KLRG1: variants seen among roughly 807,000 people sequenced by gnomAD.
KLRG1 encodes killer cell lectin like receptor G1.
Under a neutral mutation model 21.8 loss-of-function variants are expected in KLRG1, and 16 were observed. The observed-to-expected ratio is 0.73, with a 90% confidence interval of 0.50 to 1.11. The LOEUF (loss-of-function observed/expected upper bound fraction) is 1.11, where lower values mean the gene tolerates loss of function less well. Ranked by LOEUF, KLRG1 falls within the 50% of genes most tolerant of loss-of-function variation. The probability of loss-of-function intolerance (pLI) is 0.00; values close to 1 mark genes in which losing one functional copy is unlikely to be tolerated. For synonymous variants in KLRG1, 69 were observed against 75.9 expected (o/e 0.91, Z 0.47); for missense variants, 173 against 218.3 (o/e 0.79, Z 1.31).
the KLRG1 span, among the ~76,000 whole-genome samples, chr12:9,199,546 G>A: frequency 6.6e-6 from 1 of 152,054 alleles, no homozygotes; most frequent in South Asian, 2.1e-4. Context: ...AAATTGCCCA[G>A]AGGAAAGATT....
chr12:9,159,098 A>G, the KLRG1 span, among the ~76,000 whole-genome samples: 1 of 152,166 alleles, frequency 6.6e-6, no homozygotes, highest in Non-Finnish European at 1.5e-5. Flanking sequence ...CATCTAGTAG[A>G]AGGTAGTAAG....
At chr12:9,027,820 C>G in the KLRG1 span, 20 of 1,180,102 alleles carry the variant, frequency 1.7e-5, no homozygotes, top group East Asian at 4.7e-4. Flanking sequence ...GCCACCATGA[C>G]CATGAAGTTT....
the KLRG1 span, chr12:9,069,690 C>T: frequency 0.32 from 444,763 of 1,390,706 alleles, 75,549 homozygotes; most frequent in Admixed American, 0.36. Context: ...CCCAGATGTT[C>T]CCTTAGAGGA....
At chr12:9,176,775 A>C in the KLRG1 span, among the ~76,000 whole-genome samples, 1 of 152,264 alleles carries the variant, frequency 6.6e-6, no homozygotes, top group East Asian at 1.9e-4. Context: ...TTTGAACAGG[A>C]GTGTCAATAG....
At chr12:9,173,621 A>G in the KLRG1 span, among the ~76,000 whole-genome samples, 1 of 152,174 alleles carries the variant, frequency 6.6e-6, no homozygotes, top group Admixed American at 6.5e-5. Context: ...AATCAAGTAG[A>G]CACAATCAGA....
the KLRG1 span, chr12:9,113,523 G>A: frequency 6.2e-7 from 1 of 1,613,856 alleles, no homozygotes; most frequent in Non-Finnish European, 8.5e-7. Flanking sequence ...GAGCAGGGAG[G>A]GGACCAGAAC....
chr12:9,126,130 A>T, the KLRG1 span, among the ~76,000 whole-genome samples: 1 of 152,238 alleles, frequency 6.6e-6, no homozygotes, highest in African/African-American at 2.4e-5. Context: ...ATACAGGGTG[A>T]GCATATAACT....
chr12:9,160,041 T>A, the KLRG1 span: 1 of 1,603,420 alleles, frequency 6.2e-7, no homozygotes, highest in Non-Finnish European at 8.5e-7. Flanking sequence ...ATGGAAGGCT[T>A]CAGATTGTTC....
chr12:8,993,761 C>G (rs1259984948), intron 2 of KLRG1, among the ~76,000 whole-genome samples: 2 of 152,176 alleles, frequency 1.3e-5, no homozygotes, highest in African/African-American at 2.4e-5. Flanking sequence ...AGCTTGATCT[C>G]CAGAACTTAT....
the KLRG1 span, among the ~76,000 whole-genome samples, chr12:9,179,989 T>G: frequency 6.6e-6 from 1 of 152,196 alleles, no homozygotes; most frequent in Admixed American, 6.5e-5. Context: ...TTTTCTAATC[T>G]TAAAATGGGA....
the KLRG1 span, chr12:9,182,229 A>G: frequency 5.1e-6 from 5 of 981,786 alleles, no homozygotes; most frequent in Non-Finnish European, 7.0e-6. Flanking sequence ...AACTGCGTCC[A>G]TTCATTCTAA....
chr12:9,063,227 A>C, the KLRG1 span, among the ~76,000 whole-genome samples: 1 of 152,176 alleles, frequency 6.6e-6, no homozygotes, highest in African/African-American at 2.4e-5. Flanking sequence ...TATTCTTTTT[A>C]TTCTTACAGG....
chr12:9,023,192 T>C, the KLRG1 span, among the ~76,000 whole-genome samples: 1 of 152,218 alleles, frequency 6.6e-6, no homozygotes, highest in Non-Finnish European at 1.5e-5. Flanking sequence ...GGCTGAGCCC[T>C]GACCTTTTGG....
the KLRG1 span, among the ~76,000 whole-genome samples, chr12:9,184,830 GC>G: frequency 6.6e-6 from 1 of 152,164 alleles, no homozygotes; most frequent in Non-Finnish European, 1.5e-5. Flanking sequence ...TGCCTCCACT[GC>G]CCCCAAATCT....
the KLRG1 span, chr12:9,154,522 A>G: frequency 1.7e-6 from 2 of 1,186,960 alleles, no homozygotes; most frequent in Non-Finnish European, 2.4e-6. Context: ...CAATGATTTA[A>G]TAATTGCCTT....
At chr12:9,062,441 A>G in the KLRG1 span, among the ~76,000 whole-genome samples, 4 of 139,904 alleles carry the variant, frequency 2.9e-5, no homozygotes, top group Non-Finnish European at 4.6e-5. Flanking sequence ...ATTGTATAAA[A>G]AATCACCTGA....
intron 1 of KLRG1, among the ~76,000 whole-genome samples, chr12:8,979,758 T>TC (rs1375159585): frequency 6.6e-6 from 1 of 152,178 alleles, no homozygotes; most frequent in Admixed American, 6.5e-5. Flanking sequence ...TCTTTTTTTT[T>TC]CTCCTCTGAC....
At chr12:9,178,816 G>A in the KLRG1 span, among the ~76,000 whole-genome samples, 10 of 152,184 alleles carry the variant, frequency 6.6e-5, no homozygotes, top group Non-Finnish European at 1.0e-4. Context: ...CACCCCTGCA[G>A]ATCAGGGGGC....
chr12:9,061,834 G>A, the KLRG1 span, among the ~76,000 whole-genome samples: 7 of 151,986 alleles, frequency 4.6e-5, no homozygotes, highest in South Asian at 2.1e-4. Flanking sequence ...ATTACTTTAC[G>A]TTTCTTGAAT....
Sources: allele counts gnomAD v4.1 joint callset (sites outside exome capture counted in the v4.1 genomes callset), GRCh38; gene constraint gnomAD v4.1.1; transcripts MANE v1.5; gene names NCBI Gene and HGNC (gene_info 2026-07-23, HGNC 2026-07-21).